GABRB1: variants seen among roughly 807,000 people sequenced by gnomAD.
GABRB1 encodes the protein gamma-aminobutyric acid type A receptor subunit beta1, also known as gamma-aminobutyric acid receptor subunit beta-1.
Under a neutral mutation model 51.6 loss-of-function variants are expected in GABRB1, and 17 were observed. The observed-to-expected ratio is 0.33, with a 90% confidence interval of 0.23 to 0.49. The LOEUF (loss-of-function observed/expected upper bound fraction) is 0.49, where lower values mean the gene tolerates loss of function less well. Ranked by LOEUF, GABRB1 falls within the 20% of genes least tolerant of loss-of-function variation. The pLI, the probability that GABRB1 is intolerant of heterozygous loss-of-function variation, is 0.99. For missense variants in GABRB1, 410 were observed against 600.6 expected (o/e 0.68, Z 3.32); for synonymous variants, 247 against 218.9 (o/e 1.13, Z -1.14).
At chr4:47,288,911 T>C (rs1164330325) in intron 4 of GABRB1, among the ~76,000 whole-genome samples, 1 of 152,236 alleles carries the variant, frequency 6.6e-6, no homozygotes, top group African/African-American at 2.4e-5. Context: ...ATCCATATCC[T>C]ATACTTCTAA....
chr4:47,279,908 C>A (rs1021773741), intron 4 of GABRB1, among the ~76,000 whole-genome samples: 2 of 150,008 alleles, frequency 1.3e-5, no homozygotes, highest in African/African-American at 4.9e-5. Context: ...CTGTAGGCAG[C>A]GTATATTTGG....
rs190394658 is a variant in GABRB1, at chr4:47,174,688, C to T, written c.461+13219C>T. The stretch of plus-strand genomic sequence containing the variant: ...TGCATTTTTAACTCAAGGTATTTTT[C>T]GCTTACTATGGGTTTATTGAGACAT... On this transcript the variant is annotated intron_variant, in intron 4 of 8. Coordinates refer to ENST00000295454, the MANE Select transcript of GABRB1 (RefSeq NM_000812.4). Among the ~76,000 whole-genome samples the T allele has an allele frequency of 1.1e-3, 174 of 151,974 alleles. 4 individuals carry two copies. In the East Asian group the frequency reaches 0.026, roughly 22 times the overall value.
chr4:47,127,331 T>C (rs1284948240), intron 3 of GABRB1, among the ~76,000 whole-genome samples: 5 of 151,758 alleles, frequency 3.3e-5, no homozygotes, highest in Non-Finnish European at 7.4e-5. Context: ...TGTGTGTAGA[T>C]ACACACATAT....
chr4:47,280,558 T>C (rs938004810), intron 4 of GABRB1, among the ~76,000 whole-genome samples: 29 of 151,346 alleles, frequency 1.9e-4, no homozygotes, highest in Admixed American at 1.5e-3. Context: ...CTGCATTTCT[T>C]ATAAGGTAGG....
chr4:47,018,013 TTTTCTTCTTC>T (rs1252826386), intron 1 of GABRB1, among the ~76,000 whole-genome samples: 19 of 152,092 alleles, frequency 1.2e-4, no homozygotes, highest in South Asian at 2.1e-4. Flanking sequence ...ATAAGTTTTC[TTTTCTTCTTC>T]TTTCTTCTTC....
rs201682446 is a variant in GABRB1, at chr4:47,380,556, AT to A, written c.545-22761del. The stretch of plus-strand genomic sequence containing the variant: ...TTTTCTAGTACAATTTTATTAAAAA[AT>A]CCATGTTTTACTAACATGAACTTCT... On this transcript the variant is annotated intron_variant, in intron 5 of 8. Coordinates refer to ENST00000295454, the MANE Select transcript of GABRB1 (RefSeq NM_000812.4). 6.1e-3 allele frequency among the ~76,000 whole-genome samples: 933 copies of A among 152,334 alleles called. 4 individuals carry two copies. Among genetic ancestry groups the A allele is most frequent in the Middle Eastern group, 0.017 (5 of 294 alleles).
chr4:47,201,310 T>A (rs1719886886), intron 4 of GABRB1, among the ~76,000 whole-genome samples: 1 of 152,136 alleles, frequency 6.6e-6, no homozygotes, highest in Non-Finnish European at 1.5e-5. Context: ...AAGAAAAAAG[T>A]TACAGCTATA....
At chr4:47,247,407 G>A (rs1290918634) in intron 4 of GABRB1, among the ~76,000 whole-genome samples, 1 of 152,118 alleles carries the variant, frequency 6.6e-6, no homozygotes, top group East Asian at 1.9e-4. Flanking sequence ...GTACCATGCT[G>A]TTTTGGTGAC....
intron 5 of GABRB1, among the ~76,000 whole-genome samples, chr4:47,381,870 C>T (rs1038556760): frequency 4.6e-5 from 7 of 152,126 alleles, no homozygotes; most frequent in African/African-American, 7.2e-5. Context: ...CTTACTTTCT[C>T]GCCAACAGTT....
intron 5 of GABRB1, among the ~76,000 whole-genome samples, chr4:47,348,027 A>G (rs933802177): frequency 6.6e-6 from 1 of 152,186 alleles, no homozygotes; most frequent in African/African-American, 2.4e-5. Flanking sequence ...AAAGCCATCC[A>G]ACAGAATGCC....
At chr4:47,165,662 G>A (rs1718152523) in intron 4 of GABRB1, among the ~76,000 whole-genome samples, 1 of 152,008 alleles carries the variant, frequency 6.6e-6, no homozygotes, top group Non-Finnish European at 1.5e-5. Flanking sequence ...GAACTGTAAG[G>A]ATTCTTCACG....
intron 3 of GABRB1, among the ~76,000 whole-genome samples, chr4:47,064,406 C>T (rs868079815): frequency 1.7e-4 from 26 of 151,716 alleles, no homozygotes; most frequent in Admixed American, 3.9e-4. Flanking sequence ...ATGCTGAGGC[C>T]GATGGATCAC....
chr4:47,318,445 A>G (rs780315130), intron 4 of GABRB1, among the ~76,000 whole-genome samples: 11 of 152,036 alleles, frequency 7.2e-5, no homozygotes, highest in Non-Finnish European at 1.3e-4. Context: ...CATCATCATC[A>G]TCAACAACAA....
At position 47,301,186 on chromosome 4, in the gene GABRB1, A is replaced by G. The variant is rs191827132; in HGVS notation, c.462-18941A>G. Among the ~76,000 whole-genome samples, 6 of 152,320 alleles carry G rather than the reference A, an allele frequency of 3.9e-5. No homozygotes were observed. The East Asian group carries it at 1.2e-3, about 29-fold the overall frequency. Reference sequence around the variant, plus strand: ...GGAACCAAAAAGACACACCAACCTTAAGTATCCTAATGAGATACACTACTC... The same window carrying G: ...GGAACCAAAAAGACACACCAACCTTGAGTATCCTAATGAGATACACTACTC... On this transcript the variant is annotated intron_variant, in intron 4 of 8. Coordinates refer to ENST00000295454, the MANE Select transcript of GABRB1 (RefSeq NM_000812.4).
chr4:47,054,486 G>A (rs1218377511), intron 3 of GABRB1, among the ~76,000 whole-genome samples: 1 of 152,154 alleles, frequency 6.6e-6, no homozygotes, highest in South Asian at 2.1e-4. Context: ...GAAGGACTGC[G>A]ATGAAGATCA....
At chr4:47,203,831 A>G (rs182478085) in intron 4 of GABRB1, among the ~76,000 whole-genome samples, 1 of 152,172 alleles carries the variant, frequency 6.6e-6, no homozygotes, top group African/African-American at 2.4e-5. Flanking sequence ...GGACAAATGT[A>G]TGTTCACAGC....
At chr4:47,093,173 A>C (rs1378402459) in intron 3 of GABRB1, among the ~76,000 whole-genome samples, 1 of 152,146 alleles carries the variant, frequency 6.6e-6, no homozygotes, top group African/African-American at 2.4e-5. Flanking sequence ...TCTTTTTCCT[A>C]GTGTGAAGGA....
At chr4:47,399,867 G>A (rs1728320232) in intron 5 of GABRB1, among the ~76,000 whole-genome samples, 1 of 152,156 alleles carries the variant, frequency 6.6e-6, no homozygotes, top group Non-Finnish European at 1.5e-5. Context: ...TTTCTGTCTG[G>A]AAGATTGTAA....
intron 4 of GABRB1, among the ~76,000 whole-genome samples, chr4:47,267,638 T>C (rs1351012362): frequency 6.6e-6 from 1 of 151,624 alleles, no homozygotes; most frequent in Non-Finnish European, 1.5e-5. Context: ...CTACTGAAAA[T>C]ATAAAAATTA....
Sources: allele counts gnomAD v4.1 joint callset (sites outside exome capture counted in the v4.1 genomes callset), GRCh38; gene constraint gnomAD v4.1.1; transcripts MANE v1.5; gene names NCBI Gene and HGNC (gene_info 2026-07-23, HGNC 2026-07-21).